CNGB3: variants seen among roughly 807,000 people sequenced by gnomAD.
CNGB3 encodes cyclic nucleotide-gated channel beta-3.
Under a neutral mutation model 92.8 loss-of-function variants are expected in CNGB3, and 86 were observed. That is an observed-to-expected ratio of 0.93 (90% CI 0.78 to 1.11). CNGB3 has a LOEUF of 1.11. Ranked by LOEUF, CNGB3 falls within the 50% of genes least tolerant of loss-of-function variation. The pLI, the probability that CNGB3 is intolerant of heterozygous loss-of-function variation, is 0.00. For missense variants in CNGB3, 1,026 were observed against 956.8 expected (o/e 1.07, Z -0.95); for synonymous variants, 333 against 332.7 (o/e 1.00, Z -0.01).
chr8:86,679,818 G>T (rs773542577), intron 3 of CNGB3, among the ~76,000 whole-genome samples: 3 of 152,126 alleles, frequency 2.0e-5, no homozygotes, highest in Non-Finnish European at 2.9e-5. Context: ...GAGCCACCGC[G>T]TCTGGCCAGG....
chr8:86,616,538 G>A (rs529245882), intron 13 of CNGB3, among the ~76,000 whole-genome samples: 3 of 151,992 alleles, frequency 2.0e-5, no homozygotes, highest in African/African-American at 7.2e-5. Flanking sequence ...ACATCCTGGG[G>A]CTTTTTCTCT....
At chr8:86,692,726 A>G (rs1195824514) in intron 3 of CNGB3, among the ~76,000 whole-genome samples, 1 of 152,160 alleles carries the variant, frequency 6.6e-6, no homozygotes, top group East Asian at 1.9e-4. Context: ...ATTTACATTC[A>G]ATATTAGTAT....
chr8:86,692,684 A>G (rs1824344065), intron 3 of CNGB3, among the ~76,000 whole-genome samples: 1 of 152,144 alleles, frequency 6.6e-6, no homozygotes. Context: ...CCTTTCTGCC[A>G]TTCTGTATCT....
chr8:86,726,598 C>T lies in CNGB3; in HGVS notation c.271G>A (p.Ala91Thr). ...DLTTNPDPQN[A>T]AEPTGTVPEQ... ...GGCACTGTTCCAGTTGGTTCTGCTG[C>T]ATTTTGAGGGTCAGGGTTTGTGGTC... The change falls in exon 3 of 18, where the codon GCA becomes ACA. Residue 91 changes from alanine (A) to threonine (T), a missense_variant. By Grantham distance (58) the Ala-to-Thr change is moderately conservative. Coordinates refer to ENST00000320005, the MANE Select transcript of CNGB3 (RefSeq NM_019098.5). 1 of 1,613,744 alleles carries T rather than the reference C, an allele frequency of 6.2e-7. No homozygotes were observed. The highest frequency in any genetic ancestry group is 1.1e-5 in the South Asian group (1 of 91,074).
rs560295887 is a variant in CNGB3, at chr8:86,643,965, A to T, written c.1056-92T>A. 1.8e-5 allele frequency: 26 copies of T among 1,407,692 alleles called. No homozygotes were observed. In the East Asian group the frequency reaches 6.4e-4, roughly 34 times the overall value. 87.2% of individuals were successfully genotyped at this position (1,407,692 alleles called of 1,614,324 possible). A position where few individuals can be genotyped will look rare whatever the true frequency, so the allele number is the denominator to read the frequency against. On this transcript the variant is annotated intron_variant, in intron 9 of 17. Coordinates refer to ENST00000320005, the MANE Select transcript of CNGB3 (RefSeq NM_019098.5). ...TTCTTTTCCTTAAAGTCACCAGCGA[A>T]CCCCTTGCTTTGGATTTGTGAACTG...
At chr8:86,609,686 C>T (rs1235095483) in intron 14 of CNGB3, among the ~76,000 whole-genome samples, 1 of 152,142 alleles carries the variant, frequency 6.6e-6, no homozygotes, top group Non-Finnish European at 1.5e-5. Flanking sequence ...TTGGCATCTC[C>T]ACCTGATGCC....
chr8:86,742,407 A>T (rs962207273), intron 1 of CNGB3, among the ~76,000 whole-genome samples: 2 of 152,160 alleles, frequency 1.3e-5, no homozygotes, highest in Non-Finnish European at 2.9e-5. Flanking sequence ...AGTCCTCCTC[A>T]TCTCCTCTCT....
At chr8:86,740,606 G>C (rs1458471149) in intron 1 of CNGB3, among the ~76,000 whole-genome samples, 1 of 152,192 alleles carries the variant, frequency 6.6e-6, no homozygotes, top group East Asian at 1.9e-4. Context: ...GATGAGGCTT[G>C]AGAGTAGGCA....
chr8:86,691,123 G>A (rs749895878), intron 3 of CNGB3, among the ~76,000 whole-genome samples: 1 of 151,902 alleles, frequency 6.6e-6, no homozygotes, highest in Non-Finnish European at 1.5e-5. Flanking sequence ...GTTTTGTTTT[G>A]TTTTTGCACC....
intron 3 of CNGB3, among the ~76,000 whole-genome samples, chr8:86,694,063 GCCGGGCGGGGGGGC>G: frequency 2.7e-5 from 1 of 36,480 alleles, no homozygotes; most frequent in African/African-American, 1.2e-4. Context: ...GGGGCGGCTG[GCCGGGCGGGGGGGC>G]TGACCCCCCC....
chr8:86,724,162 T>G (rs185313327), intron 3 of CNGB3, among the ~76,000 whole-genome samples: 14 of 152,316 alleles, frequency 9.2e-5, no homozygotes, highest in Admixed American at 3.3e-4. Flanking sequence ...AACCTGCATA[T>G]GTACCCATGA....
chr8:86,608,630 C>T (rs1321047585), intron 14 of CNGB3, among the ~76,000 whole-genome samples: 2 of 152,238 alleles, frequency 1.3e-5, no homozygotes, highest in Non-Finnish European at 2.9e-5. Flanking sequence ...CCATCCTGTA[C>T]ACCTAGCTCT....
chr8:86,631,631 A>G lies in CNGB3; in HGVS notation c.1320+1121T>C, dbSNP rs544035357. On this transcript the variant is annotated intron_variant, in intron 11 of 17. Coordinates refer to ENST00000320005, the MANE Select transcript of CNGB3 (RefSeq NM_019098.5). ...ATTTGAATTTAGTATCTCTCAAACC[A>G]GCTTCCTATTTCATTGTTAATATAA... 3.3e-5 allele frequency among the ~76,000 whole-genome samples: 5 copies of G among 152,284 alleles called. No homozygotes were observed. The South Asian group carries it at 1.0e-3, about 32-fold the overall frequency.
At position 86,666,987 on chromosome 8, in the gene CNGB3, A is replaced by G. The variant is rs375062842; in HGVS notation, c.790T>C (p.Tyr264His). 11 of 1,613,578 alleles carry G rather than the reference A, an allele frequency of 6.8e-6. No homozygotes were observed. Among genetic ancestry groups the G allele is most frequent in the African/African-American group, 1.3e-5 (1 of 74,934 alleles). The change falls in exon 6 of 18, where the codon TAC (tyrosine) becomes CAC (histidine). Residue 264 changes from tyrosine to histidine, a missense_variant. Physicochemically the swap from Tyr to His is moderately conservative, Grantham distance 83. Coordinates refer to ENST00000320005, the MANE Select transcript of CNGB3 (RefSeq NM_019098.5). ...LIADIICDII[Y>H]LYDMLFIQPR... ...TGGATAAATAGCATATCATAAAGGT[A>G]GATGATATCACATATGATGTCCGCA...
intron 12 of CNGB3, among the ~76,000 whole-genome samples, chr8:86,626,902 C>T (rs186164694): frequency 7.9e-5 from 12 of 151,784 alleles, no homozygotes; most frequent in Middle Eastern, 3.4e-3. Flanking sequence ...GTTTGTTATA[C>T]GGTAAACTCA....
At chr8:86,741,044 A>G (rs907477541) in intron 1 of CNGB3, among the ~76,000 whole-genome samples, 2 of 152,164 alleles carry the variant, frequency 1.3e-5, no homozygotes, top group Admixed American at 6.5e-5. Flanking sequence ...CAGTTCTTAA[A>G]TTATTGTTTA....
intron 6 of CNGB3, chr8:86,658,101 A>C (rs1005457773): frequency 5.7e-6 from 3 of 525,996 alleles, no homozygotes; most frequent in Middle Eastern, 3.3e-4. Flanking sequence ...GGGCCTCCCC[A>C]CACACAGAAT....
intron 3 of CNGB3, among the ~76,000 whole-genome samples, chr8:86,693,851 A>G (rs1357826342): frequency 6.6e-6 from 1 of 152,080 alleles, no homozygotes; most frequent in African/African-American, 2.4e-5. Context: ...ACTTCTCTCT[A>G]CACAGACACG....
chr8:86,695,098 C>T (rs1824423390), intron 3 of CNGB3, among the ~76,000 whole-genome samples: 1 of 152,198 alleles, frequency 6.6e-6, no homozygotes, highest in African/African-American at 2.4e-5. Context: ...AGCTGGAGAC[C>T]AGCCTGGCCA....
Sources: gnomAD v4.1 joint callset for allele counts (sites outside exome capture counted in the v4.1 genomes callset) on GRCh38, gnomAD v4.1.1 for gene constraint, MANE v1.5 for transcripts, NCBI Gene and HGNC (gene_info 2026-07-23, HGNC 2026-07-21) for gene names.